Variants in GABRG1 observed in about 807,000 individuals in gnomAD.
GABRG1 encodes gamma-aminobutyric acid type A receptor subunit gamma1.
In GABRG1, 49 loss-of-function variants were observed where a neutral mutation model predicts 49.8. The observed-to-expected ratio is 0.98, with a 90% confidence interval of 0.78 to 1.25. GABRG1 has a LOEUF of 1.25. Ranked by LOEUF, GABRG1 falls within the 50% of genes most tolerant of loss-of-function variation. The pLI is 0.00. For missense variants in GABRG1, 552 were observed against 552.3 expected, an observed-to-expected ratio of 1.00 and a Z score of 0.01; for synonymous variants, 232 against 185.1, an observed-to-expected ratio of 1.25 and a Z score of -2.06.
chr4:46,104,477 A>G (rs1395816894), intron 1 of GABRG1, among the ~76,000 whole-genome samples: 1 of 151,514 alleles, frequency 6.6e-6, no homozygotes, highest in Non-Finnish European at 1.5e-5. Flanking sequence ...TTTAGCATAT[A>G]CCTATGTATC....
At chr4:46,091,654 C>G (rs940083941) in intron 2 of GABRG1, among the ~76,000 whole-genome samples, 1 of 151,976 alleles carries the variant, frequency 6.6e-6, no homozygotes, top group Non-Finnish European at 1.5e-5. Context: ...CAGATTGAAA[C>G]ACAAATAGGG....
Position 46,058,479 on chromosome 4 carries a change from T to G in GABRG1, c.763+6A>C, listed in dbSNP as rs559291958. The G allele has an allele frequency of 1.9e-6, 3 of 1,611,880 alleles. No individual in the cohort carries two copies. The East Asian group carries it at 6.7e-5, about 36-fold the overall frequency. On this transcript the variant is annotated splice_donor_region_variant and intron_variant, in intron 6 of 8. Coordinates refer to ENST00000295452, the MANE Select transcript of GABRG1 (RefSeq NM_173536.4). The stretch of plus-strand genomic sequence containing the variant: ...CATCATTTCACTATTTGAGTATTCT[T>G]TTTACCAGAGATCGTGTGAGTGATT...
Position 46,059,319 on chromosome 4 carries a change from T to C in GABRG1, c.626-697A>G, listed in dbSNP as rs779804922. ...GATAGAGTATGGAGTAGCTGGGTCA[T>C]GGGTTACACATAATATCAACTTTAT... On this transcript the variant is annotated intron_variant, in intron 5 of 8. Coordinates refer to ENST00000295452, the MANE Select transcript of GABRG1 (RefSeq NM_173536.4). Among the ~76,000 whole-genome samples the C allele has an allele frequency of 2.9e-4, 44 of 152,212 alleles. No individual in the cohort carries two copies. In the Middle Eastern group the frequency reaches 0.01, roughly 36 times the overall value.
intron 3 of GABRG1, among the ~76,000 whole-genome samples, chr4:46,067,092 GA>G (rs1319085141): frequency 2.0e-5 from 3 of 151,690 alleles, no homozygotes; most frequent in African/African-American, 7.3e-5. Context: ...TACAATTGGG[GA>G]AGTGGCCAAT....
At chr4:46,102,676 T>C (rs143384270) in intron 1 of GABRG1, among the ~76,000 whole-genome samples, 15 of 151,816 alleles carry the variant, frequency 9.9e-5, no homozygotes, top group African/African-American at 3.4e-4. Flanking sequence ...ATGATTATTA[T>C]TTCTTTTTGT....
chr4:46,072,919 TA>T (rs953248925), intron 3 of GABRG1, among the ~76,000 whole-genome samples: 7 of 151,996 alleles, frequency 4.6e-5, no homozygotes, highest in Non-Finnish European at 7.4e-5. Flanking sequence ...CAGTTCTTAG[TA>T]AAAATACTAA....
chr4:46,051,078 A>G (rs1718199014), intron 8 of GABRG1, among the ~76,000 whole-genome samples: 1 of 151,932 alleles, frequency 6.6e-6, no homozygotes, highest in Admixed American at 6.6e-5. Flanking sequence ...AGGAATCTTC[A>G]TCACTAAAAG....
intron 5 of GABRG1, 36 bp downstream of exon 5, chr4:46,064,405 A>G (rs754328301): frequency 8.7e-7 from 1 of 1,155,634 alleles, no homozygotes; most frequent in East Asian, 2.7e-5. Context: ...TCTAAGGTTA[A>G]AATTCTATGA....
At chr4:46,060,205 A>G (rs1718620697) in intron 5 of GABRG1, among the ~76,000 whole-genome samples, 2 of 150,228 alleles carry the variant, frequency 1.3e-5, no homozygotes, top group Admixed American at 1.3e-4. Context: ...GAATCATCTC[A>G]CCCTGTATGC....
At chr4:46,084,224 G>A (rs760078483) in intron 2 of GABRG1, among the ~76,000 whole-genome samples, 171 bp from the exon 3 acceptor site, 7 of 151,238 alleles carry the variant, frequency 4.6e-5, no homozygotes, top group Admixed American at 6.6e-5. Context: ...AATCTTTTTG[G>A]TTTGCAAATC....
chr4:46,123,254 T>G (rs1721149250), intron 1 of GABRG1, among the ~76,000 whole-genome samples: 1 of 152,010 alleles, frequency 6.6e-6, no homozygotes, highest in Non-Finnish European at 1.5e-5. Flanking sequence ...CAGTTTTTAC[T>G]TGGATACTAT....
At position 46,037,932 on chromosome 4, in the gene GABRG1, G is replaced by A. The variant is rs1350245868; in HGVS notation, c.*3056C>T. On this transcript the variant is annotated 3_prime_UTR_variant, in exon 9 of 9. Coordinates refer to ENST00000295452, the MANE Select transcript of GABRG1 (RefSeq NM_173536.4). ...ATTTCAATTTTATTCTTGTTCTTGA[G>A]ACAAAAACATTGTCTATTTTATGAT... 1 of 151,470 alleles carries A rather than the reference G, an allele frequency of 6.6e-6. No homozygotes were observed. Among genetic ancestry groups the A allele is most frequent in the Non-Finnish European group, 1.5e-5 (1 of 67,694 alleles). The allele number at this position is 151,470 out of a possible 1,614,324, so 9.4% of individuals were successfully genotyped here.
intron 1 of GABRG1, among the ~76,000 whole-genome samples, chr4:46,101,851 A>G (rs570540840): frequency 2.2e-4 from 33 of 151,836 alleles, no homozygotes; most frequent in African/African-American, 7.9e-4. Flanking sequence ...ATGAAAAATA[A>G]CAGAAAACAG....
At chr4:46,080,659 G>C (rs1719530746) in intron 3 of GABRG1, among the ~76,000 whole-genome samples, 1 of 151,510 alleles carries the variant, frequency 6.6e-6, no homozygotes, top group African/African-American at 2.4e-5. Context: ...AGCCATTCTT[G>C]TCAAAGTGTT....
chr4:46,044,223 A>G (rs1237338286), intron 8 of GABRG1, among the ~76,000 whole-genome samples: 1 of 152,126 alleles, frequency 6.6e-6, no homozygotes, highest in East Asian at 1.9e-4. Flanking sequence ...CTGTAATCCC[A>G]GCACTTTGGG....
chr4:46,097,402 A>T (rs1720215251), intron 1 of GABRG1, 53 bp from the exon 2 acceptor site: 1 of 1,526,442 alleles, frequency 6.6e-7, no homozygotes, highest in African/African-American at 1.4e-5. Flanking sequence ...CAAATCATGT[A>T]TAAAAGTATA....
At position 46,037,017 on chromosome 4, in the gene GABRG1, A is replaced by T. The variant is rs1717556472; in HGVS notation, c.*3971T>A. On this transcript the variant is annotated 3_prime_UTR_variant, in exon 9 of 9. Coordinates refer to ENST00000295452, the MANE Select transcript of GABRG1 (RefSeq NM_173536.4). The stretch of plus-strand genomic sequence containing the variant: ...GCTGTTTACCCAGTTGGAAATTGTG[A>T]TCTCTCTCCCTCTTACCTGTTGAAT... The T allele has an allele frequency of 6.6e-6, 1 of 151,434 alleles. No homozygotes were observed. Among genetic ancestry groups the T allele is most frequent in the Admixed American group, 6.6e-5 (1 of 15,144 alleles). The allele number at this position is 151,434 out of a possible 1,614,324, so 9.4% of individuals were successfully genotyped here.
rs140027723 is a variant in GABRG1 at position 46,085,173 on chromosome 4, T to C, written c.254-1120A>G. 1.5e-3 allele frequency among the ~76,000 whole-genome samples: 232 copies of C among 151,510 alleles called. 1 individual carries two copies. The highest frequency in any genetic ancestry group is 6.8e-3 in the Middle Eastern group (2 of 294). On this transcript the variant is annotated intron_variant, in intron 2 of 8. Coordinates refer to ENST00000295452, the MANE Select transcript of GABRG1 (RefSeq NM_173536.4). ...TATTCAAAGCTGAACGTTGTCTACA[T>C]TGAGAGGGAAATTGTTCCTGGGACA...
chr4:46,111,644 C>A (rs945188728), intron 1 of GABRG1, among the ~76,000 whole-genome samples: 6 of 151,206 alleles, frequency 4.0e-5, no homozygotes, highest in African/African-American at 1.2e-4. Context: ...CAAAAACAGA[C>A]ACATAGGCAA....
Sources: allele counts gnomAD v4.1 joint callset (sites outside exome capture counted in the v4.1 genomes callset), GRCh38; gene constraint gnomAD v4.1.1; transcripts MANE v1.5; gene names NCBI Gene and HGNC (gene_info 2026-07-23, HGNC 2026-07-21).